PPA2: variants seen among roughly 807,000 people sequenced by gnomAD.
PPA2 encodes inorganic pyrophosphatase 2.
In PPA2, 48 loss-of-function variants were observed where a neutral mutation model predicts 49.5. The observed-to-expected ratio is 0.97, with a 90% CI of 0.77 to 1.23. PPA2 has a LOEUF of 1.23. Ranked by LOEUF, PPA2 falls within the 50% of genes most tolerant of loss-of-function variation. The probability of loss-of-function intolerance (pLI) is 0.00; values close to 1 mark genes in which losing one functional copy is unlikely to be tolerated. For missense variants in PPA2, 429 were observed against 410.1 expected, an observed-to-expected ratio of 1.05 and a Z score of -0.40; for synonymous variants, 131 against 139.9, an observed-to-expected ratio of 0.94 and a Z score of 0.45.
intron 6 of PPA2, among the ~76,000 whole-genome samples, chr4:105,425,052 T>C (rs1222170117): frequency 6.6e-6 from 1 of 152,136 alleles, no homozygotes; most frequent in Non-Finnish European, 1.5e-5. Flanking sequence ...CAAACAAAGG[T>C]TACTCTAGAC....
At chr4:105,387,438 A>G (rs1190494432) in intron 9 of PPA2, among the ~76,000 whole-genome samples, 2 of 152,196 alleles carry the variant, frequency 1.3e-5, no homozygotes, top group South Asian at 2.1e-4. Context: ...ACACGTAAAC[A>G]TATTCCCCCT....
intron 6 of PPA2, among the ~76,000 whole-genome samples, chr4:105,430,546 A>G (rs1723748892): frequency 6.6e-6 from 1 of 152,232 alleles, no homozygotes; most frequent in Non-Finnish European, 1.5e-5. Context: ...TTAAACATGT[A>G]ATATCAACAC....
intron 4 of PPA2, among the ~76,000 whole-genome samples, chr4:105,446,787 G>A (rs1332139242): frequency 2.0e-5 from 3 of 152,126 alleles, no homozygotes; most frequent in Admixed American, 2.0e-4. Flanking sequence ...GAGATGGCAA[G>A]AGGATAAAGA....
At chr4:105,417,827 A>C (rs1723081308) in intron 7 of PPA2, among the ~76,000 whole-genome samples, 1 of 152,192 alleles carries the variant, frequency 6.6e-6, no homozygotes, top group Non-Finnish European at 1.5e-5. Context: ...AGAAAGCGAC[A>C]AGGTCCAAGG....
At chr4:105,389,585 C>CA (rs1167115417) in intron 9 of PPA2, among the ~76,000 whole-genome samples, 5 of 151,408 alleles carry the variant, frequency 3.3e-5, no homozygotes, top group African/African-American at 1.2e-4. Flanking sequence ...GACATTAGAG[C>CA]AAAAAATCAG....
At position 105,369,521 on chromosome 4, in the gene PPA2, C is replaced by T. The variant is rs533724719; in HGVS notation, c.*204G>A. ...TACAGGCATGAGCCACCGTGCCTGG[C>T]CAAAATCTTCTTTTTATATCAATAA... is the stretch of plus-strand genomic sequence containing the variant. On this transcript the variant is annotated 3_prime_UTR_variant, in exon 12 of 12. Coordinates refer to ENST00000341695, the MANE Select transcript of PPA2 (RefSeq NM_176869.3). 1.9e-6 allele frequency: 1 copy of T among 532,258 alleles called. No homozygotes were observed. Among genetic ancestry groups the T allele is most frequent in the East Asian group, 3.2e-5 (1 of 31,282 alleles). 33.0% of individuals were successfully genotyped at this position (532,258 alleles called of 1,614,324 possible).
chr4:105,473,463 G>C (rs750932043), intron 1 of PPA2: 1 of 383,500 alleles, frequency 2.6e-6, no homozygotes, highest in Non-Finnish European at 5.1e-6. Context: ...GCAGTAGGAG[G>C]TTTCTTACGC....
At chr4:105,435,712 A>T (rs1724023979) in intron 6 of PPA2, among the ~76,000 whole-genome samples, 1 of 152,192 alleles carries the variant, frequency 6.6e-6, no homozygotes, top group Middle Eastern at 3.2e-3. Context: ...AAACCACATG[A>T]TCATCTCAAT....
rs1293383364 is a variant in PPA2 at position 105,437,970 on chromosome 4, C to T, written c.508G>A (p.Val170Ile). The change falls in exon 6 of 12, where the codon GTT (valine) becomes ATT (isoleucine). Residue 170 changes from valine to isoleucine, a missense_variant. Coordinates refer to ENST00000341695, the MANE Select transcript of PPA2 (RefSeq NM_176869.3). ...NCFGDNDPID[V>I]CEIGSKILSC... ...CAAACCTTTGAGCCTATTTCGCAAA[C>T]ATCAATAGGATCATTATCTCCAAAG... The T allele has an allele frequency of 6.2e-7, 1 of 1,608,566 alleles. No individual in the cohort carries two copies. The highest frequency in any genetic ancestry group is 2.2e-5 in the East Asian group (1 of 44,764).
intron 1 of PPA2, among the ~76,000 whole-genome samples, chr4:105,472,538 TTC>T (rs1445460825): frequency 6.6e-6 from 1 of 152,228 alleles, no homozygotes; most frequent in Non-Finnish European, 1.5e-5. Flanking sequence ...TCATAATTTT[TTC>T]TGACTATTCC....
intron 1 of PPA2, among the ~76,000 whole-genome samples, chr4:105,459,092 A>G (rs1020443842): frequency 6.6e-6 from 1 of 152,110 alleles, no homozygotes; most frequent in Non-Finnish European, 1.5e-5. Context: ...CTCTATTACT[A>G]TTTTATTTTT....
chr4:105,428,408 T>C lies in PPA2; in HGVS notation c.529-4086A>G, dbSNP rs1335693765. ...CAATTAAAAGACACAGAGTGGCAAA[T>C]TGGATAAAGAGTCAAGACCCATCAG... is the stretch of plus-strand genomic sequence containing the variant. On this transcript the variant is annotated intron_variant, in intron 6 of 11. Coordinates refer to ENST00000341695, the MANE Select transcript of PPA2 (RefSeq NM_176869.3). Among the ~76,000 whole-genome samples, 6 of 151,814 alleles carry C rather than the reference T, an allele frequency of 4.0e-5. No individual in the cohort carries two copies. The East Asian group carries it at 1.2e-3, about 29-fold the overall frequency.
At chr4:105,402,016 C>T (rs918832303) in intron 7 of PPA2, among the ~76,000 whole-genome samples, 20 of 152,060 alleles carry the variant, frequency 1.3e-4, no homozygotes, top group African/African-American at 4.3e-4. Flanking sequence ...ATTACATACA[C>T]CAGTGAATTT....
chr4:105,447,067 T>C (rs576483241), intron 4 of PPA2, among the ~76,000 whole-genome samples: 35 of 152,264 alleles, frequency 2.3e-4, no homozygotes, highest in African/African-American at 8.4e-4. Context: ...TGTTTGCTGA[T>C]GATATGATCT....
chr4:105,402,486 C>G (rs1427214403), intron 7 of PPA2, among the ~76,000 whole-genome samples: 1 of 152,126 alleles, frequency 6.6e-6, no homozygotes, highest in African/African-American at 2.4e-5. Context: ...GGGAGGAAGA[C>G]AGTAAATGCA....
At chr4:105,410,514 C>T (rs1469862840) in intron 7 of PPA2, among the ~76,000 whole-genome samples, 1 of 152,190 alleles carries the variant, frequency 6.6e-6, no homozygotes, top group African/African-American at 2.4e-5. Flanking sequence ...AGAAGAACTT[C>T]CCCAACCTAG....
chr4:105,389,048 G>C (rs1733797873), intron 9 of PPA2, among the ~76,000 whole-genome samples: 1 of 152,054 alleles, frequency 6.6e-6, no homozygotes, highest in South Asian at 2.1e-4. Flanking sequence ...AATCTAGGTT[G>C]TAAGAACATA....
At chr4:105,466,879 G>A (rs1723325903) in intron 1 of PPA2, among the ~76,000 whole-genome samples, 1 of 152,124 alleles carries the variant, frequency 6.6e-6, no homozygotes, top group African/African-American at 2.4e-5. Context: ...TTCACTTGAG[G>A]TGTTCTTCCC....
At chr4:105,418,634 C>A (rs999901451) in intron 7 of PPA2, among the ~76,000 whole-genome samples, 1 of 152,132 alleles carries the variant, frequency 6.6e-6, no homozygotes, top group Non-Finnish European at 1.5e-5. Flanking sequence ...ATTCTGATTT[C>A]GATTGTTTTA....
Sources: gnomAD v4.1 joint callset for allele counts (sites outside exome capture counted in the v4.1 genomes callset) on GRCh38, gnomAD v4.1.1 for gene constraint, MANE v1.5 for transcripts, NCBI Gene and HGNC (gene_info 2026-07-23, HGNC 2026-07-21) for gene names.